SZRD1: variants seen among roughly 807,000 people sequenced by gnomAD.
The protein encoded by SZRD1 is SUZ RNA binding domain containing 1.
Under a neutral mutation model 17.6 loss-of-function variants are expected in SZRD1, and 7 were observed. The ratio of observed to expected loss-of-function variants is 0.40; its 90% CI spans 0.23 to 0.75. The LOEUF (loss-of-function observed/expected upper bound fraction) is 0.75. SZRD1 is among the 30% of genes least tolerant of loss of function. The probability of loss-of-function intolerance (pLI) is 0.38; values close to 1 mark genes in which losing one functional copy is unlikely to be tolerated. For synonymous variants in SZRD1, 77 were observed against 77.9 expected, an observed-to-expected ratio of 0.99 and a Z score of 0.06; for missense variants, 178 against 201.8, an observed-to-expected ratio of 0.88 and a Z score of 0.71.
At chr1:16,388,608 A>T (rs1394050794) in intron 1 of SZRD1, among the ~76,000 whole-genome samples, 2 of 152,012 alleles carry the variant, frequency 1.3e-5, no homozygotes, top group Non-Finnish European at 2.9e-5. Context: ...TTAATATGAA[A>T]CAATACATTA....
chr1:16,374,906 C>T (rs1405738693), intron 1 of SZRD1, among the ~76,000 whole-genome samples: 1 of 152,202 alleles, frequency 6.6e-6, no homozygotes, highest in Non-Finnish European at 1.5e-5. Flanking sequence ...GAGACGGAGT[C>T]TAGCTCTGTC....
intron 1 of SZRD1, among the ~76,000 whole-genome samples, chr1:16,377,474 A>AC (rs1472905050): frequency 6.6e-6 from 1 of 151,128 alleles, no homozygotes; most frequent in African/African-American, 2.4e-5. Flanking sequence ...AATCCCAGCT[A>AC]CTCAGGAGGC....
chr1:16,372,776 A>T (rs946510980), intron 1 of SZRD1, among the ~76,000 whole-genome samples: 4 of 152,158 alleles, frequency 2.6e-5, no homozygotes, highest in Non-Finnish European at 5.9e-5. Flanking sequence ...GTGATGCTGG[A>T]TGGTGTATGA....
chr1:16,373,604 G>A (rs1021437853), intron 1 of SZRD1, among the ~76,000 whole-genome samples: 8 of 142,578 alleles, frequency 5.6e-5, no homozygotes, highest in African/African-American at 1.8e-4. Context: ...AACAAAACAC[G>A]TTTTTTTTTT....
intron 1 of SZRD1, among the ~76,000 whole-genome samples, chr1:16,373,301 C>T (rs967707875): frequency 4.0e-5 from 6 of 150,648 alleles, no homozygotes; most frequent in African/African-American, 9.8e-5. Context: ...AATTTTTTGC[C>T]GGACACGATG....
chr1:16,393,027 T>C lies in SZRD1; in HGVS notation c.102-201T>C, dbSNP rs2085243242. Reference sequence around the variant, plus strand: ...GGGCTGAGGAGCAGTTCCTGTGGCCTGTCAGAGCTGGTCGCAAGCTTACTT... The same window carrying C: ...GGGCTGAGGAGCAGTTCCTGTGGCCCGTCAGAGCTGGTCGCAAGCTTACTT... On this transcript the variant is annotated intron_variant, in intron 2 of 3. Transcript: ENST00000401088. This position sits in a 1 kb window ranked among gnomAD's most constrained non-coding sequence, Gnocchi z 5.6. 6.6e-6 allele frequency among the ~76,000 whole-genome samples: 1 copy of C among 152,214 alleles called. No individual in the cohort carries two copies. Among genetic ancestry groups the C allele is most frequent in the Non-Finnish European group, 1.5e-5 (1 of 68,036 alleles).
At chr1:16,372,620 C>A (rs1273924379) in intron 1 of SZRD1, among the ~76,000 whole-genome samples, 1 of 152,148 alleles carries the variant, frequency 6.6e-6, no homozygotes, top group East Asian at 1.9e-4. Flanking sequence ...TCCTTTTATT[C>A]TTTTTCTCCA....
intron 1 of SZRD1, among the ~76,000 whole-genome samples, chr1:16,372,697 G>A (rs1410595410): frequency 6.6e-6 from 1 of 152,156 alleles, no homozygotes; most frequent in African/African-American, 2.4e-5. Flanking sequence ...CTGGTGTTCT[G>A]GATTAAGAAT....
Position 16,391,369 on chromosome 1 carries a change from C to A in SZRD1, c.52-6C>A. The A allele has an allele frequency of 6.5e-7, 1 of 1,539,940 alleles. No individual in the cohort carries two copies. Among genetic ancestry groups the A allele is most frequent in the South Asian group, 1.2e-5 (1 of 83,164 alleles). ...TCCTCTTTTTATATACATTTTTTTC[C>A]TCTAGGAAATAGACAGACGGTTGGA... On this transcript the variant is annotated splice_polypyrimidine_tract_variant and splice_region_variant and intron_variant, in intron 1 of 3. Coordinates refer to ENST00000401088, the MANE Select transcript of SZRD1 (RefSeq NM_001114600.3). This position sits in a 1 kb window ranked among gnomAD's most constrained non-coding sequence, Gnocchi z 4.3.
rs898050627 is a variant in SZRD1, at chr1:16,393,017, T to A, written c.102-211T>A. On this transcript the variant is annotated intron_variant, in intron 2 of 3. Coordinates refer to ENST00000401088, the MANE Select transcript of SZRD1 (RefSeq NM_001114600.3). The surrounding 1 kb of genome is among the most constrained non-coding windows in gnomAD (Gnocchi z 5.6). ...CCAGGGGTTAGGGCTGAGGAGCAGT[T>A]CCTGTGGCCTGTCAGAGCTGGTCGC... Among the ~76,000 whole-genome samples, 1 of 152,152 alleles carries A rather than the reference T, an allele frequency of 6.6e-6. No individual in the cohort carries two copies. Among genetic ancestry groups the A allele is most frequent in the Non-Finnish European group, 1.5e-5 (1 of 68,028 alleles).
intron 1 of SZRD1, chr1:16,369,393 CCTTT>C: frequency 9.7e-7 from 1 of 1,031,154 alleles, no homozygotes; most frequent in Non-Finnish European, 1.5e-6. Context: ...TCACTTTGAT[CCTTT>C]CTTGCAAAAA....
chr1:16,367,608 C>T (rs903273893), intron 1 of SZRD1: 25 of 469,574 alleles, frequency 5.3e-5, no homozygotes, highest in East Asian at 3.9e-4. Context: ...ACTTGCTGGC[C>T]GTGGGCCTCT....
At chr1:16,372,230 T>C (rs1401410109) in intron 1 of SZRD1, among the ~76,000 whole-genome samples, 1 of 152,082 alleles carries the variant, frequency 6.6e-6, no homozygotes, top group Non-Finnish European at 1.5e-5. Flanking sequence ...CCCAACACTT[T>C]GGGAGGCTGA....
Position 16,397,541 on chromosome 1 carries a change from T to G in SZRD1, c.*2401T>G, listed in dbSNP as rs1249522726. On this transcript the variant is annotated 3_prime_UTR_variant, in exon 4 of 4. Transcript: ENST00000401088. The surrounding 1 kb of genome is among the most constrained non-coding windows in gnomAD (Gnocchi z 5.4). ...CCCAGGGGGATGGGGGGCAGAAACC[T>G]GAGGCTGCTGCCCCTTTATCTGCCT... is the stretch of plus-strand genomic sequence containing the variant. The G allele has an allele frequency of 6.6e-6, 1 of 152,238 alleles. No homozygotes were observed. The highest frequency in any genetic ancestry group is 1.5e-5 in the Non-Finnish European group (1 of 68,066). The allele number at this position is 152,238 out of a possible 1,614,324, so 9.4% of individuals were successfully genotyped here.
At chr1:16,373,331 G>A (rs2082944160) in intron 1 of SZRD1, among the ~76,000 whole-genome samples, 1 of 151,508 alleles carries the variant, frequency 6.6e-6, no homozygotes, top group Non-Finnish European at 1.5e-5. Context: ...TGTAATGCCA[G>A]CACTTTGGGA....
chr1:16,371,844 C>A (rs546108065), intron 1 of SZRD1, among the ~76,000 whole-genome samples: 2 of 152,310 alleles, frequency 1.3e-5, no homozygotes, highest in East Asian at 3.9e-4. Context: ...GCCTCAGCCT[C>A]CTGAGTAGCT....
intron 1 of SZRD1, among the ~76,000 whole-genome samples, chr1:16,373,682 C>T (rs1199939859): frequency 2.0e-5 from 3 of 151,764 alleles, no homozygotes; most frequent in East Asian, 1.9e-4. Flanking sequence ...ACTGCTGTCT[C>T]GACCTCCCAG....
intron 1 of SZRD1, chr1:16,387,230 C>G (rs2085140743): frequency 2.2e-6 from 1 of 449,952 alleles, no homozygotes; most frequent in African/African-American, 2.0e-5. Flanking sequence ...CTACGATGTC[C>G]TCTTGAAGCG....
At chr1:16,382,598 G>T (rs907093045) in intron 1 of SZRD1, among the ~76,000 whole-genome samples, 10 of 151,728 alleles carry the variant, frequency 6.6e-5, no homozygotes, top group Non-Finnish European at 1.3e-4. Context: ...GAGTTCAAGC[G>T]ATTCTCCTGC....
Sources: allele counts gnomAD v4.1 joint callset (sites outside exome capture counted in the v4.1 genomes callset), GRCh38; gene constraint gnomAD v4.1.1; non-coding constraint Gnocchi (gnomAD v3.1); transcripts MANE v1.5; gene names NCBI Gene and HGNC (gene_info 2026-07-23, HGNC 2026-07-21).